PDE4D: variants seen among roughly 807,000 people sequenced by gnomAD.
The protein encoded by PDE4D is 3',5'-cyclic-AMP phosphodiesterase 4D.
In PDE4D, 24 loss-of-function variants were observed where a neutral mutation model predicts 87.4. That is an observed-to-expected ratio of 0.27 (90% confidence interval 0.20 to 0.39). The LOEUF (loss-of-function observed/expected upper bound fraction) is 0.39, where lower values mean the gene tolerates loss of function less well. PDE4D is among the 10% of genes least tolerant of loss of function. The pLI is 1.00. For missense variants in PDE4D, 714 were observed against 1,041.0 expected (o/e 0.69, Z 4.32); for synonymous variants, 384 against 383.2 (o/e 1.00, Z -0.02).
chr5:60,063,986 T>A (rs1037183683), intron 2 of PDE4D, among the ~76,000 whole-genome samples: 3 of 152,068 alleles, frequency 2.0e-5, no homozygotes, highest in African/African-American at 7.2e-5. Context: ...GACACAATTG[T>A]ATACATTATG....
chr5:59,754,054 G>T (rs1760864712), intron 1 of PDE4D, among the ~76,000 whole-genome samples: 1 of 152,206 alleles, frequency 6.6e-6, no homozygotes, highest in East Asian at 1.9e-4. Context: ...TTAAGGCCAG[G>T]TACAGTGGCT....
intron 1 of PDE4D, among the ~76,000 whole-genome samples, chr5:60,458,017 C>T (rs1481043823): frequency 6.6e-6 from 1 of 152,170 alleles, no homozygotes; most frequent in African/African-American, 2.4e-5. Flanking sequence ...TATGAGCCAT[C>T]CAGTTGCTAC....
chr5:59,996,481 TTAACA>T (rs1763536832), intron 2 of PDE4D, among the ~76,000 whole-genome samples: 1 of 152,232 alleles, frequency 6.6e-6, no homozygotes, highest in Non-Finnish European at 1.5e-5. Flanking sequence ...ATTTGCAATC[TTAACA>T]TATTATATGC....
intron 1 of PDE4D, among the ~76,000 whole-genome samples, chr5:59,276,383 C>A (rs546916868): frequency 6.6e-6 from 1 of 152,122 alleles, no homozygotes; most frequent in South Asian, 2.1e-4. Context: ...CCATAATAAA[C>A]AAATGAATTT....
chr5:60,059,829 T>A (rs1436961933), intron 2 of PDE4D, among the ~76,000 whole-genome samples: 1 of 151,948 alleles, frequency 6.6e-6, no homozygotes, highest in African/African-American at 2.4e-5. Flanking sequence ...AAATAAAACC[T>A]TTCTAAATCA....
chr5:59,273,404 A>G (rs541258265), intron 1 of PDE4D, among the ~76,000 whole-genome samples: 1 of 150,686 alleles, frequency 6.6e-6, no homozygotes, highest in African/African-American at 2.4e-5. Flanking sequence ...TCTATAATCT[A>G]TATTGATTTT....
At chr5:59,126,045 T>C (rs987681321) in intron 5 of PDE4D, among the ~76,000 whole-genome samples, 2 of 149,540 alleles carry the variant, frequency 1.3e-5, no homozygotes, top group African/African-American at 4.9e-5. Context: ...AGGCCCTTAT[T>C]GGATCCTGGA....
chr5:59,808,393 C>G (rs1306422840), intron 1 of PDE4D, among the ~76,000 whole-genome samples: 1 of 152,178 alleles, frequency 6.6e-6, no homozygotes. Flanking sequence ...CTCTGCAATG[C>G]CCACCATTTT....
intron 1 of PDE4D, among the ~76,000 whole-genome samples, chr5:59,280,371 T>C (rs545229543): frequency 5.3e-4 from 81 of 152,226 alleles, no homozygotes; most frequent in Middle Eastern, 3.4e-3. Flanking sequence ...AAAACTAGAA[T>C]AAACATTTGT....
intron 5 of PDE4D, among the ~76,000 whole-genome samples, chr5:59,156,331 A>ATATATATATATATGTGTG (rs1384479557): frequency 1.6e-4 from 20 of 122,754 alleles, no homozygotes; most frequent in Admixed American, 4.1e-4. Flanking sequence ...ATATATATAT[A>ATATATATATATATGTGTG]TGTGTGTGTG....
At chr5:59,369,557 C>T (rs148685508) in intron 1 of PDE4D, among the ~76,000 whole-genome samples, 1 of 152,058 alleles carries the variant, frequency 6.6e-6, no homozygotes, top group African/African-American at 2.4e-5. Context: ...TAAGCAGGGG[C>T]AGATGGGGCC....
chr5:59,352,976 A>C (rs1780759568), intron 1 of PDE4D, among the ~76,000 whole-genome samples: 1 of 152,182 alleles, frequency 6.6e-6, no homozygotes, highest in African/African-American at 2.4e-5. Flanking sequence ...TTTCTATCCC[A>C]TGACCCCTAT....
At chr5:59,592,180 A>G (rs1826010112) in intron 1 of PDE4D, 1 of 973,740 alleles carries the variant, frequency 1.0e-6, no homozygotes, top group Non-Finnish European at 1.2e-6. Context: ...CTTCTTCTCT[A>G]TATTTATAAC....
intron 4 of PDE4D, among the ~76,000 whole-genome samples, chr5:59,181,542 T>A (rs62357975): frequency 0.011 from 656 of 59,384 alleles, 21 homozygotes; most frequent in African/African-American, 0.025. Context: ...CAAAGATGTC[T>A]GATATATATA....
intron 1 of PDE4D, among the ~76,000 whole-genome samples, chr5:60,515,682 A>G (rs1750774556): frequency 6.8e-6 from 1 of 146,368 alleles, no homozygotes; most frequent in African/African-American, 2.6e-5. Context: ...CCCATTATGT[A>G]TGATACGGAT....
chr5:59,401,454 A>G (rs1252606444), intron 1 of PDE4D, among the ~76,000 whole-genome samples: 1 of 133,588 alleles, frequency 7.5e-6, no homozygotes, highest in Non-Finnish European at 1.6e-5. Context: ...CTATCTATCT[A>G]TCTATCTATC....
intron 1 of PDE4D, among the ~76,000 whole-genome samples, chr5:60,307,117 T>G (rs915638925): frequency 6.6e-6 from 1 of 151,992 alleles, no homozygotes; most frequent in African/African-American, 2.4e-5. Context: ...CATAACTAAT[T>G]AAATATATAA....
At chr5:60,035,996 A>G (rs1348092107) in intron 2 of PDE4D, among the ~76,000 whole-genome samples, 1 of 152,204 alleles carries the variant, frequency 6.6e-6, no homozygotes, top group East Asian at 1.9e-4. Flanking sequence ...TTGCTTAGAC[A>G]TATAGAATTT....
At chr5:59,765,582 T>G (rs538954329) in intron 1 of PDE4D, among the ~76,000 whole-genome samples, 1 of 152,280 alleles carries the variant, frequency 6.6e-6, no homozygotes, top group South Asian at 2.1e-4. Flanking sequence ...ACATGTGCAC[T>G]TCCCGGCCTG....
Sources: gnomAD v4.1 joint callset for allele counts (sites outside exome capture counted in the v4.1 genomes callset) on GRCh38, gnomAD v4.1.1 for gene constraint, MANE v1.5 for transcripts, NCBI Gene and HGNC (gene_info 2026-07-23, HGNC 2026-07-21) for gene names.